CCDC9: variants seen among roughly 807,000 people sequenced by gnomAD.
The protein encoded by CCDC9 is coiled-coil domain containing 9, also known as coiled-coil domain-containing protein 9.
CCDC9 carries 52 observed loss-of-function variants against 65.6 expected under a neutral mutation model. The observed-to-expected ratio is 0.79, with a 90% CI of 0.63 to 1.00. The LOEUF (loss-of-function observed/expected upper bound fraction) is 1.00, where lower values mean the gene tolerates loss of function less well. Ranked by LOEUF, CCDC9 falls within the 50% of genes least tolerant of loss-of-function variation. The pLI, the probability that CCDC9 is intolerant of heterozygous loss-of-function variation, is 0.00. For synonymous variants in CCDC9, 332 were observed against 280.3 expected (o/e 1.18, Z -1.84); for missense variants, 834 against 757.2 (o/e 1.10, Z -1.19).
At chr19:47,275,712 C>A, downstream of CCDC9, 1 of 288,188 alleles carries the variant, frequency 3.5e-6, no homozygotes, top group Admixed American at 5.4e-5. Flanking sequence ...TGTGTCTGTC[C>A]TGTTGTCTGC....
downstream of CCDC9, chr19:47,274,644 A>C: frequency 1.4e-5 from 2 of 140,962 alleles, no homozygotes. Flanking sequence ...TTGTGGCGGG[A>C]GGAGGCGGTG....
At chr19:47,263,820 T>G (rs529253737) in intron 5 of CCDC9, among the ~76,000 whole-genome samples, 1 of 152,140 alleles carries the variant, frequency 6.6e-6, no homozygotes, top group African/African-American at 2.4e-5. Flanking sequence ...TGCCTCGGCC[T>G]TCCAAAGTGC....
intron 7 of CCDC9, 92 bp downstream of exon 7, chr19:47,265,038 C>T (rs2059072166): frequency 1.9e-5 from 21 of 1,130,352 alleles, no homozygotes; most frequent in East Asian, 2.9e-5. Flanking sequence ...CATGGGGCCT[C>T]TCCTTTTTTG....
rs748194748 is a variant in CCDC9 at position 47,266,618 on chromosome 19, G to A, written c.728G>A (p.Arg243Gln). 5.2e-6 allele frequency: 8 copies of A among 1,542,406 alleles called. No homozygotes were observed. The highest frequency in any genetic ancestry group is 2.0e-5 in the Admixed American group (1 of 51,046). ...CTGTGGGCTGGGGGGCAGGGCCGCC[G>A]AGCTGGCCTGGGCAGTGCTGGAGAC... Reference protein sequence around the residue: ...CGLEHERQGRRAGLGSAGDMT... With the variant: ...CGLEHERQGRQAGLGSAGDMT... The change falls in exon 8 of 12, where the codon CGA becomes CAA. Residue 243 changes from arginine (R) to glutamine (Q), a missense_variant. Arg to Gln is a conservative substitution (Grantham distance 43, BLOSUM62 1). Transcript: ENST00000221922.
chr19:47,275,249 G>A, downstream of CCDC9: 1 of 1,538,452 alleles, frequency 6.5e-7, no homozygotes, highest in Non-Finnish European at 8.8e-7. Context: ...TCCAGCTGCC[G>A]CTGAGCCGCC....
rs746173971 is a variant in CCDC9, at chr19:47,271,689, CTGTGTGTGTGTGTG to C, written c.*42_*55del. 71 of 1,127,736 alleles carry C rather than the reference CTGTGTGTGTGTGTG, an allele frequency of 6.3e-5. No individual in the cohort carries two copies. The highest frequency in any genetic ancestry group is 7.8e-5 in the Non-Finnish European group (63 of 804,554). The allele number at this position is 1,127,736 out of a possible 1,614,324, so 69.9% of individuals were successfully genotyped here. A position where few individuals can be genotyped will look rare whatever the true frequency, so the allele number is the denominator to read the frequency against. ...TTTGAGAGTGTATGAAGCTGGCTGC[CTGTGTGTGTGTGTG>C]TGTGTGTGTGTGTGTGTGTGTGTGT... On this transcript the variant is annotated 3_prime_UTR_variant, in exon 12 of 12. Coordinates refer to ENST00000221922, the MANE Select transcript of CCDC9 (RefSeq NM_015603.3).
At chr19:47,263,890 A>G (rs905355085) in intron 5 of CCDC9, among the ~76,000 whole-genome samples, 2 of 128,292 alleles carry the variant, frequency 1.6e-5, no homozygotes, top group African/African-American at 3.0e-5. Context: ...ATTTTATTTT[A>G]TTTTTTGAGA....
At chr19:47,262,841 C>T (rs2059054991) in intron 5 of CCDC9, among the ~76,000 whole-genome samples, 1 of 152,036 alleles carries the variant, frequency 6.6e-6, no homozygotes, top group African/African-American at 2.4e-5. Context: ...GTCCTAGCTA[C>T]TTGGGAAGCT....
chr19:47,275,439 C>T (rs994678722), downstream of CCDC9: 11 of 1,429,388 alleles, frequency 7.7e-6, no homozygotes, highest in Admixed American at 1.1e-4. Flanking sequence ...GTCCGGCCTT[C>T]TTCCTAATGA....
chr19:47,268,887 C>G (rs539617705), intron 8 of CCDC9, among the ~76,000 whole-genome samples: 2 of 151,486 alleles, frequency 1.3e-5, no homozygotes, highest in East Asian at 3.9e-4. Flanking sequence ...CACTGCATTC[C>G]AGCCTGGGCG....
Position 47,258,326 on chromosome 19 carries a change from C to T in CCDC9, c.-71-4C>T. 3 of 1,549,182 alleles carry T rather than the reference C, an allele frequency of 1.9e-6. No homozygotes were observed. The highest frequency in any genetic ancestry group is 1.7e-5 in the Admixed American group (1 of 59,674). On this transcript the variant is annotated splice_polypyrimidine_tract_variant and splice_region_variant and intron_variant, in intron 1 of 11. Transcript: ENST00000221922. ...CTTTGTCCTTTTTTTCCCTCTGTCC[C>T]CAGGAACCCTCAGTGCTGCGTCTAG...
intron 1 of CCDC9, 151 bp from the exon 2 acceptor site, chr19:47,258,179 G>A (rs1298250791): frequency 8.4e-6 from 5 of 598,368 alleles, no homozygotes; most frequent in Non-Finnish European, 1.2e-5. Flanking sequence ...AGAAGATGGA[G>A]GTGGCAGTTG....
rs73570553 is a variant in CCDC9, at chr19:47,271,072, T to C, written c.1086-10T>C. On this transcript the variant is annotated splice_polypyrimidine_tract_variant and intron_variant, in intron 10 of 11. Transcript: ENST00000221922. Reference sequence around the variant, plus strand: ...CACCCAGGCATCACCCCTCCCTCTGTTCCCTCTAGTGACCATGATGACCGC... The same window carrying C: ...CACCCAGGCATCACCCCTCCCTCTGCTCCCTCTAGTGACCATGATGACCGC... 0.33 allele frequency: 511,590 copies of C among 1,533,886 alleles called. 87,873 individuals carry two copies. The highest frequency in any genetic ancestry group is 0.59 in the East Asian group (24,379 of 40,994).
At chr19:47,275,000 G>C, downstream of CCDC9, 1 of 1,473,954 alleles carries the variant, frequency 6.8e-7, no homozygotes, top group East Asian at 3.0e-5. Flanking sequence ...GGGGGCGCTG[G>C]CTGCGCTTGG....
Position 47,258,320 on chromosome 19 carries a change from C to G in CCDC9, c.-71-10C>G. The stretch of plus-strand genomic sequence containing the variant: ...ATTGGCCTTTGTCCTTTTTTTCCCT[C>G]TGTCCCCAGGAACCCTCAGTGCTGC... On this transcript the variant is annotated splice_polypyrimidine_tract_variant and intron_variant, in intron 1 of 11. Transcript: ENST00000221922. 6.6e-7 allele frequency: 1 copy of G among 1,508,896 alleles called. No homozygotes were observed. 93.5% of individuals were successfully genotyped at this position (1,508,896 alleles called of 1,614,324 possible). A position where few individuals can be genotyped will look rare whatever the true frequency, so the allele number is the denominator to read the frequency against.
chr19:47,269,897 C>T (rs966836942), intron 8 of CCDC9, among the ~76,000 whole-genome samples: 2 of 151,984 alleles, frequency 1.3e-5, no homozygotes, highest in South Asian at 2.1e-4. Flanking sequence ...TGTTTTGGCG[C>T]CCACATTCTG....
At chr19:47,274,996 G>T (rs1304946509), downstream of CCDC9, 5 of 1,470,120 alleles carry the variant, frequency 3.4e-6, no homozygotes, top group Non-Finnish European at 4.5e-6. Context: ...CCGCGGGGGC[G>T]CTGGCTGCGC....
At chr19:47,274,946 CGGCGCCGAGAGCCCCGGA>C (rs760743176), downstream of CCDC9, 69 of 1,346,386 alleles carry the variant, frequency 5.1e-5, no homozygotes, top group East Asian at 2.0e-3. Flanking sequence ...GCGTGGGCGG[CGGCGCCGAGAGCCCCGGA>C]GGCGCGGGGC....
At chr19:47,260,461 GA>G (rs2059037570) in intron 4 of CCDC9, 39 bp downstream of exon 4, 1 of 1,607,600 alleles carries the variant, frequency 6.2e-7, no homozygotes, top group South Asian at 1.1e-5. Context: ...TGAGGATGGG[GA>G]GGGGCAGAGG....
Sources: gnomAD v4.1 joint callset for allele counts (sites outside exome capture counted in the v4.1 genomes callset) on GRCh38, gnomAD v4.1.1 for gene constraint, MANE v1.5 for transcripts, NCBI Gene and HGNC (gene_info 2026-07-23, HGNC 2026-07-21) for gene names.